The following BAZ2A variants were observed in gnomAD, a reference collection of about 807,000 sequenced individuals.
BAZ2A encodes the protein bromodomain adjacent to zinc finger domain 2A.
Under a neutral mutation model 199.9 loss-of-function variants are expected in BAZ2A, and 34 were observed. That is an observed-to-expected ratio of 0.17 (90% CI 0.13 to 0.23). BAZ2A has a LOEUF of 0.23. Ranked by LOEUF, BAZ2A falls within the 10% of genes least tolerant of loss-of-function variation. BAZ2A has a pLI of 1.00. For missense variants in BAZ2A, 2,002 were observed against 2,391.1 expected (o/e 0.84, Z 3.39); for synonymous variants, 857 against 883.9 (o/e 0.97, Z 0.54).
At chr12:56,608,867 C>CATTT (rs1950460469) in intron 10 of BAZ2A, among the ~76,000 whole-genome samples, 1 of 69,904 alleles carries the variant, frequency 1.4e-5, no homozygotes, top group South Asian at 4.7e-4. Flanking sequence ...CCGTGCCTGG[C>CATTT]TTTTTTTTTT....
chr12:56,627,655 C>T (rs1951144762), intron 1 of BAZ2A, among the ~76,000 whole-genome samples: 1 of 150,972 alleles, frequency 6.6e-6, no homozygotes, highest in Non-Finnish European at 1.5e-5. Context: ...CAAAACCCCA[C>T]CTCTACAAAA....
chr12:56,605,276 A>G lies in BAZ2A; in HGVS notation c.2545T>C (p.Phe849Leu), dbSNP rs956790761. The change falls in exon 14 of 29, where the codon TTC becomes CTC. Residue 849 changes from phenylalanine to leucine, a missense_variant. By Grantham distance (22) the Phe-to-Leu change is conservative. This residue lies in a region of BAZ2A where 1,081 missense variants were observed against 1,274.7 expected (regional missense o/e 0.85). Transcript: ENST00000549884. ...VPGLTLPSGA[F>L]SDCLTIVEFL... ...TCCACAATGGTCAAGCAGTCTGAGA[A>G]GGCTCCACTGGGCAATGTCAGACCA... 4.3e-6 allele frequency: 7 copies of G among 1,613,808 alleles called. No homozygotes were observed. The highest frequency in any genetic ancestry group is 5.9e-6 in the Non-Finnish European group (7 of 1,179,810).
At chr12:56,629,088 G>A (rs1241424972) in intron 1 of BAZ2A, among the ~76,000 whole-genome samples, 1 of 151,372 alleles carries the variant, frequency 6.6e-6, no homozygotes, top group African/African-American at 2.4e-5. Flanking sequence ...ATCCAAGCTT[G>A]CCCAGAAGGC....
At position 56,598,789 on chromosome 12, in the gene BAZ2A, C is replaced by A. The variant is rs770512986; in HGVS notation, c.5547-6G>T. 6.2e-7 allele frequency: 1 copy of A among 1,611,242 alleles called. No homozygotes were observed. Among genetic ancestry groups the A allele is most frequent in the African/African-American group, 1.3e-5 (1 of 74,972 alleles). The stretch of plus-strand genomic sequence containing the variant: ...ACTCCTCTGAGCTGGTGTACCTGGA[C>A]AGGGCAGGGGCAAAACTGTGAGCTG... On this transcript the variant is annotated splice_polypyrimidine_tract_variant and splice_region_variant and intron_variant, in intron 28 of 28. Transcript: ENST00000549884.
intron 10 of BAZ2A, among the ~76,000 whole-genome samples, chr12:56,607,427 A>C (rs1055245133): frequency 1.3e-5 from 2 of 152,188 alleles, no homozygotes; most frequent in East Asian, 3.9e-4. Context: ...GCTGAAGTGC[A>C]ATGGCACAAT....
At chr12:56,613,724 C>T (rs1004399319) in intron 4 of BAZ2A, among the ~76,000 whole-genome samples, 3 of 152,170 alleles carry the variant, frequency 2.0e-5, no homozygotes, top group Non-Finnish European at 1.5e-5. Flanking sequence ...CAGCCCAGAG[C>T]TCTTGGCCAA....
intron 7 of BAZ2A, among the ~76,000 whole-genome samples, chr12:56,611,136 A>G (rs185436528): frequency 2.4e-4 from 36 of 152,268 alleles, no homozygotes; most frequent in African/African-American, 8.7e-4. Context: ...GGTGTCAGCT[A>G]GTTTGTTCAT....
intron 9 of BAZ2A, 63 bp downstream of exon 9, chr12:56,610,051 G>C (rs763248819): frequency 4.4e-6 from 7 of 1,602,538 alleles, no homozygotes; most frequent in Middle Eastern, 1.8e-4. Context: ...ACGAGAGGAA[G>C]CTGCAGCTTG....
rs1017105598 is a variant in BAZ2A, at chr12:56,606,657, C to T, written c.2169G>A (p.Glu723=). 1 of 1,613,916 alleles carries T rather than the reference C, an allele frequency of 6.2e-7. No homozygotes were observed. The highest frequency in any genetic ancestry group is 1.1e-5 in the South Asian group (1 of 91,082). Residue 723 remains glutamate (E), a synonymous_variant, in exon 11 of 29, where the codon GAG becomes GAA. Coordinates refer to ENST00000549884, the MANE Select transcript of BAZ2A (RefSeq NM_001300905.2). ...KKMRQKVQRG[E]CQTTIQGQAR... is the part of the protein sequence containing the mutation. ...CCTGCCCTTGGATAGTAGTCTGACA[C>T]TCTCCCCGTTGAACCTTCTGCCTCA...
At chr12:56,636,357 GTGATGTCC>G in exon 1 of BAZ2A, 2 of 1,385,830 alleles carry the variant, frequency 1.4e-6, no homozygotes, top group East Asian at 2.8e-5. Context: ...CTGCTGTAGG[GTGATGTCC>G]CTGTGTGACA....
chr12:56,622,285 A>G (rs1379295419), intron 1 of BAZ2A, among the ~76,000 whole-genome samples: 2 of 152,206 alleles, frequency 1.3e-5, no homozygotes, highest in Middle Eastern at 3.4e-3. Flanking sequence ...GGTTGCAGTG[A>G]GCTGAGATCG....
At chr12:56,637,454 C>T (rs1951474584), upstream of BAZ2A, among the ~76,000 whole-genome samples, 1 of 152,082 alleles carries the variant, frequency 6.6e-6, no homozygotes. Flanking sequence ...GTGGACTAGG[C>T]CTTATGGTAT....
upstream of BAZ2A, among the ~76,000 whole-genome samples, chr12:56,634,472 G>T (rs1373475225): frequency 6.6e-6 from 1 of 152,212 alleles, no homozygotes; most frequent in Non-Finnish European, 1.5e-5. Context: ...AAAAGGTTTA[G>T]ATGGGACTTA....
chr12:56,606,378 C>A, intron 11 of BAZ2A, 66 bp from the exon 12 acceptor site: 2 of 1,575,620 alleles, frequency 1.3e-6, no homozygotes, highest in South Asian at 1.1e-5. Flanking sequence ...GGCTAGGATT[C>A]AAAAACAGAC....
Position 56,617,381 on chromosome 12 carries a change from G to A in BAZ2A, c.136+14C>T. 1.3e-6 allele frequency: 2 copies of A among 1,588,320 alleles called. No individual in the cohort carries two copies. Among genetic ancestry groups the A allele is most frequent in the African/African-American group, 1.3e-5 (1 of 74,248 alleles). On this transcript the variant is annotated intron_variant, in intron 2 of 28. Transcript: ENST00000549884. The stretch of plus-strand genomic sequence containing the variant: ...GCCCATTCCCTCCCCAGGCCAAGCA[G>A]CCCTCACACTCACTTTTCCCTTGCT...
At chr12:56,607,208 C>T (rs1950389472) in intron 10 of BAZ2A, among the ~76,000 whole-genome samples, 1 of 152,202 alleles carries the variant, frequency 6.6e-6, no homozygotes, top group South Asian at 2.1e-4. Context: ...AAGGCCCACA[C>T]AGTGGACACC....
At chr12:56,634,583 TC>T (rs967521753), upstream of BAZ2A, among the ~76,000 whole-genome samples, 1 of 151,700 alleles carries the variant, frequency 6.6e-6, no homozygotes, top group African/African-American at 2.4e-5. Flanking sequence ...GGGGTGGGTA[TC>T]CCCCCTCCCA....
In BAZ2A at chr12:56,610,191, T is replaced by C. The variant is rs746582813; in HGVS notation, c.1804A>G (p.Ser602Gly). The C allele has an allele frequency of 1.3e-5, 21 of 1,613,974 alleles. 1 individual carries two copies. The East Asian group carries it at 1.6e-4, about 12-fold the overall frequency. The change falls in exon 9 of 29, where the codon AGT (serine) becomes GGT (glycine). Residue 602 changes from serine (S) to glycine (G), a missense_variant. Ser to Gly is a moderately conservative substitution (Grantham distance 56). This residue lies in a region of BAZ2A where 74 missense variants were observed against 126.1 expected (regional missense o/e 0.59). Coordinates refer to ENST00000549884, the MANE Select transcript of BAZ2A (RefSeq NM_001300905.2). ...IKYLSRNVVH[S>G]VRREHFSFSP... ...AAGCTGAAGTGCTCTCGGCGGACAC[T>C]GTGTACCACGTTGCGGCTCAGGTAC...
chr12:56,636,071 C>T, intron 1 of BAZ2A: 1 of 1,325,532 alleles, frequency 7.5e-7, no homozygotes, highest in Non-Finnish European at 1.0e-6. Context: ...AGTCCTGTTT[C>T]CTCTCCTTCA....
Sources: gnomAD v4.1 joint callset for allele counts (sites outside exome capture counted in the v4.1 genomes callset) on GRCh38, gnomAD v4.1.1 for gene constraint, gnomAD v4.1.1 regional missense constraint, MANE v1.5 for transcripts, NCBI Gene and HGNC (gene_info 2026-07-23, HGNC 2026-07-21) for gene names.